Variants in NSD1 observed in about 807,000 individuals in gnomAD.
NSD1 encodes histone-lysine N-methyltransferase, H3 lysine-36 specific.
In NSD1, 26 loss-of-function variants were observed where a neutral mutation model predicts 242.7. The ratio of observed to expected loss-of-function variants is 0.11; its 90% CI spans 0.08 to 0.15. The LOEUF is 0.15. Ranked by LOEUF, NSD1 falls within the 10% of genes least tolerant of loss-of-function variation. The pLI, the probability that NSD1 is intolerant of heterozygous loss-of-function variation, is 1.00. For missense variants in NSD1, 2,495 were observed against 3,272.8 expected (o/e 0.76, Z 5.80); for synonymous variants, 1,106 against 1,178.1 (o/e 0.94, Z 1.25).
In NSD1 at chr5:177,201,061, A is replaced by G. The variant is rs116820741; in HGVS notation, c.1064-3059A>G. The stretch of plus-strand genomic sequence containing the variant: ...CACCACACCTGGCATTAATTTTTGT[A>G]TTTTTAGTAGAGACTGGGTTTCGCC... On this transcript the variant is annotated intron_variant, in intron 3 of 22. Coordinates refer to ENST00000439151, the MANE Select transcript of NSD1 (RefSeq NM_022455.5). Among the ~76,000 whole-genome samples, 649 of 151,180 alleles carry G rather than the reference A, an allele frequency of 4.3e-3. 3 individuals carry two copies. The highest frequency in any genetic ancestry group is 0.014 in the African/African-American group (594 of 41,138).
Position 177,280,720 on chromosome 5 carries a change from T to C in NSD1, c.5778T>C (p.Pro1926=). Residue 1926 remains proline, a synonymous_variant, in exon 18 of 23, where the codon CCT becomes CCC. Transcript: ENST00000439151. ...LLYECHPTVC[P]AGGRCQNQCF... Reference sequence around the variant, plus strand: ...ATGAGTGCCACCCCACAGTGTGTCCTGCCGGAGGGCGCTGTCAAAACCAGT... The same window carrying C: ...ATGAGTGCCACCCCACAGTGTGTCCCGCCGGAGGGCGCTGTCAAAACCAGT... 1 of 1,614,250 alleles carries C rather than the reference T, an allele frequency of 6.2e-7. No homozygotes were observed. Among genetic ancestry groups the C allele is most frequent in the Non-Finnish European group, 8.5e-7 (1 of 1,180,032 alleles).
At chr5:177,197,902 G>C (rs1227665076) in intron 3 of NSD1, among the ~76,000 whole-genome samples, 1 of 152,138 alleles carries the variant, frequency 6.6e-6, no homozygotes, top group Non-Finnish European at 1.5e-5. Flanking sequence ...AGTTAGATTG[G>C]ACTGATTTGA....
chr5:177,292,409 C>G (rs1759914849), intron 22 of NSD1, among the ~76,000 whole-genome samples: 1 of 152,264 alleles, frequency 6.6e-6, no homozygotes, highest in African/African-American at 2.4e-5. Flanking sequence ...TTTCATTCCC[C>G]CAGCAGCCCA....
At chr5:177,151,563 ATT>A (rs931007360) in intron 2 of NSD1, among the ~76,000 whole-genome samples, 10 of 150,204 alleles carry the variant, frequency 6.7e-5, no homozygotes, top group African/African-American at 2.2e-4. Context: ...TAATTTTTGT[ATT>A]TTTAGTAGAG....
At chr5:177,189,242 A>C (rs1204222243) in intron 2 of NSD1, among the ~76,000 whole-genome samples, 1 of 152,170 alleles carries the variant, frequency 6.6e-6, no homozygotes, top group Non-Finnish European at 1.5e-5. Flanking sequence ...ACTGAGACCA[A>C]ATTAACAGAC....
At chr5:177,195,477 C>T (rs1486521338) in intron 3 of NSD1, among the ~76,000 whole-genome samples, 2 of 152,086 alleles carry the variant, frequency 1.3e-5, no homozygotes, top group Non-Finnish European at 2.9e-5. Flanking sequence ...CTCTCCTCGT[C>T]TCTCTTTTGA....
chr5:177,241,114 T>C (rs903083936), intron 8 of NSD1, among the ~76,000 whole-genome samples: 2 of 152,156 alleles, frequency 1.3e-5, no homozygotes, highest in African/African-American at 4.8e-5. Flanking sequence ...GTTTCACATA[T>C]AGATCTTTGT....
intron 2 of NSD1, among the ~76,000 whole-genome samples, chr5:177,178,945 A>G (rs1489850717): frequency 6.6e-6 from 1 of 152,186 alleles, no homozygotes; most frequent in African/African-American, 2.4e-5. Context: ...GGGGATCCAG[A>G]GCCTTAAGTA....
intron 16 of NSD1, among the ~76,000 whole-genome samples, chr5:177,271,999 C>T (rs762837172): frequency 4.6e-5 from 7 of 152,216 alleles, no homozygotes; most frequent in South Asian, 2.1e-4. Context: ...TGATGTGCGC[C>T]TGTAATCCCA....
rs1428159720 is a variant in NSD1 at position 177,294,518 on chromosome 5, C to G, written c.7150C>G (p.Leu2384Val). ...SLEKTSVPTGLRLPPPDRLLI... is the reference protein window; with the variant it reads ...SLEKTSVPTGVRLPPPDRLLI... ...GGAGAAAACCTCAGTTCCCACTGGC[C>G]TGAGACTTCCGCCGCCAGACAGACT... Residue 2384 changes from leucine (L) to valine (V), a missense_variant, in exon 23 of 23, where the codon CTG (leucine) becomes GTG (valine). Leu to Val is a conservative substitution (Grantham distance 32, BLOSUM62 1). Around this residue, in one of 19 missense-constraint regions of NSD1, gnomAD observed 475 missense variants for 563.7 expected, o/e 0.84. Transcript: ENST00000439151. 1 of 1,614,106 alleles carries G rather than the reference C, an allele frequency of 6.2e-7. No individual in the cohort carries two copies. The highest frequency in any genetic ancestry group is 8.5e-7 in the Non-Finnish European group (1 of 1,180,048).
At chr5:177,196,952 T>G (rs190663409) in intron 3 of NSD1, among the ~76,000 whole-genome samples, 240 of 152,332 alleles carry the variant, frequency 1.6e-3, no homozygotes, top group Non-Finnish European at 5.4e-4. Flanking sequence ...CATACATACC[T>G]ATTATAAAGT....
At chr5:177,226,632 T>C (rs1764653345) in intron 5 of NSD1, among the ~76,000 whole-genome samples, 1 of 152,174 alleles carries the variant, frequency 6.6e-6, no homozygotes, top group Admixed American at 6.5e-5. Context: ...GGTCATTTGG[T>C]TTGTCTTTGG....
At chr5:177,186,703 T>TATA (rs1300824224) in intron 2 of NSD1, among the ~76,000 whole-genome samples, 2 of 152,158 alleles carry the variant, frequency 1.3e-5, no homozygotes, top group Admixed American at 6.6e-5. Context: ...AAATAAGGAA[T>TATA]ATAAGGTGGC....
intron 5 of NSD1, among the ~76,000 whole-genome samples, chr5:177,223,982 T>C (rs1241035951): frequency 6.6e-6 from 1 of 152,194 alleles, no homozygotes; most frequent in African/African-American, 2.4e-5. Context: ...AGAGCAAGAC[T>C]CTTGTCTCAA....
At chr5:177,212,479 CTCTCTCTCTTTTT>C (rs901712401) in intron 5 of NSD1, among the ~76,000 whole-genome samples, 4 of 125,450 alleles carry the variant, frequency 3.2e-5, no homozygotes, top group African/African-American at 1.7e-4. Flanking sequence ...CTCTCTTTCT[CTCTCTCTCTTTTT>C]TTTTTTTTTC....
rs1386556792 is a variant in NSD1, at chr5:177,296,775, G to T, written c.*1316G>T. On this transcript the variant is annotated 3_prime_UTR_variant, in exon 23 of 23. Coordinates refer to ENST00000439151, the MANE Select transcript of NSD1 (RefSeq NM_022455.5). ...GGCCCAAGGGCTGGGAAATCTGTTG[G>T]TGCTACCCTGCCCTACCATTCACCC... 2.1e-5 allele frequency: 5 copies of T among 233,218 alleles called. No individual in the cohort carries two copies. The highest frequency in any genetic ancestry group is 4.2e-5 in the Non-Finnish European group (5 of 118,090). The allele number at this position is 233,218 out of a possible 1,614,324, so 14.4% of individuals were successfully genotyped here. A position where few individuals can be genotyped will look rare whatever the true frequency, so the allele number is the denominator to read the frequency against.
chr5:177,211,620 G>A lies in NSD1; in HGVS notation c.3221G>A (p.Arg1074His), dbSNP rs766901249. 144 of 1,613,986 alleles carry A rather than the reference G, an allele frequency of 8.9e-5. No individual in the cohort carries two copies. The highest frequency in any genetic ancestry group is 2.7e-5 in the Non-Finnish European group (32 of 1,180,026). Residue 1074 changes from arginine (R) to histidine (H), a missense_variant, in exon 5 of 23, where the codon CGT becomes CAT. Coordinates refer to ENST00000439151, the MANE Select transcript of NSD1 (RefSeq NM_022455.5). ...GCTGTACTGCAGGGAGACCGAGAAC[G>A]TGGAGGTTCATTGAGAGGTGGGGCA... The part of the protein sequence containing the change: ...LDAVLQGDRE[R>H]GGSLRGGAED...
At chr5:177,204,793 T>G (rs1444124903) in intron 4 of NSD1, among the ~76,000 whole-genome samples, 1 of 152,078 alleles carries the variant, frequency 6.6e-6, no homozygotes, top group East Asian at 1.9e-4. Context: ...TTTGTTTGTT[T>G]GTTTGTTTGT....
chr5:177,136,722 T>G, intron 2 of NSD1: 1 of 500,050 alleles, frequency 2.0e-6, no homozygotes, highest in South Asian at 3.0e-5. Context: ...CCCTCCCGAG[T>G]AGCTGGGATT....
Sources: allele counts gnomAD v4.1 joint callset (sites outside exome capture counted in the v4.1 genomes callset), GRCh38; gene constraint gnomAD v4.1.1; regional missense constraint gnomAD v4.1.1; transcripts MANE v1.5; gene names NCBI Gene and HGNC (gene_info 2026-07-23, HGNC 2026-07-21).